The following SLC30A8 variants were observed in gnomAD, a reference collection of about 807,000 sequenced individuals.
The protein encoded by SLC30A8 is solute carrier family 30 member 8.
Under a neutral mutation model 36.9 loss-of-function variants are expected in SLC30A8, and 27 were observed. The ratio of observed to expected loss-of-function variants is 0.73; its 90% CI spans 0.54 to 1.01. The LOEUF (loss-of-function observed/expected upper bound fraction) is 1.01, where lower values mean the gene tolerates loss of function less well. Among genes scored for constraint, SLC30A8 ranks in the 50% least tolerant of loss-of-function variants. The probability of loss-of-function intolerance (pLI) is 0.00; values close to 1 mark genes in which losing one functional copy is unlikely to be tolerated. For synonymous variants in SLC30A8, 164 were observed against 172.4 expected (o/e 0.95, Z 0.38); for missense variants, 439 against 452.0 (o/e 0.97, Z 0.26).
intron 2 of SLC30A8, among the ~76,000 whole-genome samples, chr8:117,150,300 A>T (rs904580663): frequency 1.3e-5 from 2 of 152,206 alleles, no homozygotes; most frequent in African/African-American, 4.8e-5. Context: ...TGTCAGATAA[A>T]CATTCTTTCA....
chr8:117,058,504 C>T (rs749948085), intron 2 of SLC30A8, among the ~76,000 whole-genome samples: 1 of 152,136 alleles, frequency 6.6e-6, no homozygotes, highest in Non-Finnish European at 1.5e-5. Context: ...CCCTCATGAC[C>T]TAATCACCTT....
intron 1 of SLC30A8, among the ~76,000 whole-genome samples, chr8:117,012,735 A>ACACACACACG (rs1268982177): frequency 2.0e-5 from 3 of 149,238 alleles, no homozygotes; most frequent in Non-Finnish European, 4.5e-5. Flanking sequence ...ACACACACAC[A>ACACACACACG]CACACACACA....
intron 1 of SLC30A8, among the ~76,000 whole-genome samples, chr8:116,976,193 C>G (rs913413080): frequency 6.6e-6 from 1 of 150,516 alleles, no homozygotes; most frequent in Non-Finnish European, 1.5e-5. Context: ...GTGACGCACG[C>G]CTGTAGTCCC....
intron 1 of SLC30A8, among the ~76,000 whole-genome samples, chr8:116,957,071 C>G (rs894891229): frequency 6.6e-6 from 1 of 151,782 alleles, no homozygotes; most frequent in Admixed American, 6.6e-5. Flanking sequence ...TAAGAAAGAC[C>G]CTGTCAGGGT....
intron 1 of SLC30A8, among the ~76,000 whole-genome samples, chr8:117,000,351 T>C (rs1227856302): frequency 3.3e-5 from 5 of 152,150 alleles, no homozygotes; most frequent in Admixed American, 6.5e-5. Context: ...CCACCCTCAC[T>C]GTGGGCCCTG....
intron 2 of SLC30A8, among the ~76,000 whole-genome samples, chr8:117,040,666 C>T (rs971366993): frequency 6.6e-6 from 1 of 152,050 alleles, no homozygotes; most frequent in African/African-American, 2.4e-5. Flanking sequence ...TTCATTTTTG[C>T]AAGCATTGTG....
intron 1 of SLC30A8, among the ~76,000 whole-genome samples, chr8:116,974,235 C>T (rs1390807545): frequency 5.9e-5 from 9 of 152,118 alleles, no homozygotes; most frequent in Non-Finnish European, 1.2e-4. Flanking sequence ...AAGAAACCAC[C>T]ATCAGAGTGA....
intron 1 of SLC30A8, among the ~76,000 whole-genome samples, chr8:116,978,056 C>T (rs1244797255): frequency 1.3e-5 from 2 of 151,936 alleles, no homozygotes; most frequent in South Asian, 4.2e-4. Flanking sequence ...TCTAGGTTGT[C>T]CTGAAAAAGA....
In SLC30A8 at chr8:117,176,335, C is replaced by T. The variant is rs979983365; in HGVS notation, c.*3654C>T. ...CAGAGAGTCTTGCAAAGAGACAAGC[C>T]TCATTTTCCACAATTAGCTCTAAAG... On this transcript the variant is annotated 3_prime_UTR_variant, in exon 8 of 8. Coordinates refer to ENST00000456015, the MANE Select transcript of SLC30A8 (RefSeq NM_173851.3). 1 of 152,468 alleles carries T rather than the reference C, an allele frequency of 6.6e-6. No homozygotes were observed. Among genetic ancestry groups the T allele is most frequent in the South Asian group, 2.1e-4 (1 of 4,820 alleles). The allele number at this position is 152,468 out of a possible 1,614,324, so 9.4% of individuals were successfully genotyped here.
chr8:117,137,102 G>C (rs988336102), intron 1 of SLC30A8, among the ~76,000 whole-genome samples: 36 of 151,916 alleles, frequency 2.4e-4, no homozygotes, highest in African/African-American at 8.7e-4. Flanking sequence ...TGTTAATTTA[G>C]TGTTCCCCTT....
intron 2 of SLC30A8, among the ~76,000 whole-genome samples, chr8:117,064,472 A>G (rs924138238): frequency 9.9e-5 from 15 of 152,204 alleles, no homozygotes; most frequent in Non-Finnish European, 1.6e-4. Context: ...GCTGATGATA[A>G]TTGAGCACAC....
At chr8:117,139,380 G>A (rs1241976694) in intron 1 of SLC30A8, among the ~76,000 whole-genome samples, 1 of 152,042 alleles carries the variant, frequency 6.6e-6, no homozygotes, top group African/African-American at 2.4e-5. Flanking sequence ...CACACACTAA[G>A]GAAAGACCAC....
At chr8:117,067,355 G>T (rs1013910712) in intron 2 of SLC30A8, among the ~76,000 whole-genome samples, 1 of 144,596 alleles carries the variant, frequency 6.9e-6, no homozygotes, top group South Asian at 2.2e-4. Flanking sequence ...GTTCTTTTTC[G>T]TTTTTTTTTT....
At chr8:117,096,328 C>A (rs1819360661) in intron 2 of SLC30A8, among the ~76,000 whole-genome samples, 2 of 152,166 alleles carry the variant, frequency 1.3e-5, no homozygotes, top group African/African-American at 4.8e-5. Flanking sequence ...ATGAACAATT[C>A]TTACAAAATG....
At chr8:117,149,068 G>A (rs186208965) in intron 2 of SLC30A8, among the ~76,000 whole-genome samples, 94 of 152,020 alleles carry the variant, frequency 6.2e-4, no homozygotes, top group African/African-American at 2.2e-3. Context: ...TTTTTATCAC[G>A]TTAAACAATA....
chr8:117,167,141 A>G (rs1364359606), intron 6 of SLC30A8, among the ~76,000 whole-genome samples: 6 of 152,058 alleles, frequency 3.9e-5, no homozygotes, highest in Non-Finnish European at 7.4e-5. Flanking sequence ...ACAATTTGAA[A>G]TGACTTATAT....
chr8:117,086,213 G>A (rs898667014), intron 2 of SLC30A8, among the ~76,000 whole-genome samples: 1 of 152,134 alleles, frequency 6.6e-6, no homozygotes, highest in Non-Finnish European at 1.5e-5. Context: ...ACAACTGTGA[G>A]TGCCCAGTAA....
chr8:117,013,768 T>C (rs1816422615), intron 1 of SLC30A8, among the ~76,000 whole-genome samples: 1 of 152,172 alleles, frequency 6.6e-6, no homozygotes, highest in South Asian at 2.1e-4. Flanking sequence ...TTAATCCCTC[T>C]TTTTAACTTT....
chr8:117,072,201 G>A (rs1314482305), intron 2 of SLC30A8, among the ~76,000 whole-genome samples: 2 of 152,140 alleles, frequency 1.3e-5, no homozygotes, highest in African/African-American at 2.4e-5. Flanking sequence ...GCTAAGGGTT[G>A]GTGACAGCTT....
Sources: allele counts gnomAD v4.1 joint callset (sites outside exome capture counted in the v4.1 genomes callset), GRCh38; gene constraint gnomAD v4.1.1; transcripts MANE v1.5; gene names NCBI Gene and HGNC (gene_info 2026-07-23, HGNC 2026-07-21).